LAMA1: variants seen among roughly 807,000 people sequenced by gnomAD.
LAMA1 encodes laminin subunit alpha-1.
In LAMA1, 219 loss-of-function variants were observed where a neutral mutation model predicts 348.7. The observed-to-expected ratio is 0.63, with a 90% CI of 0.56 to 0.70. LAMA1 has a LOEUF of 0.70. Among genes scored for constraint, LAMA1 ranks in the 30% least tolerant of loss-of-function variants. The pLI, the probability that LAMA1 is intolerant of heterozygous loss-of-function variation, is 0.00. For synonymous variants in LAMA1, 1,487 were observed against 1,491.0 expected, an observed-to-expected ratio of 1.00 and a Z score of 0.06; for missense variants, 3,744 against 3,888.0, an observed-to-expected ratio of 0.96 and a Z score of 0.99.
chr18:6,984,238 A>C (rs2057724467), intron 39 of LAMA1, among the ~76,000 whole-genome samples: 1 of 152,138 alleles, frequency 6.6e-6, no homozygotes, highest in Non-Finnish European at 1.5e-5. Flanking sequence ...TACGATTTTT[A>C]ATTGCTTTTG....
At chr18:7,023,435 T>C in intron 18 of LAMA1, 60 bp from the exon 19 acceptor site, 1 of 1,374,568 alleles carries the variant, frequency 7.3e-7, no homozygotes, top group Admixed American at 1.7e-5. Context: ...CTTACCGCAC[T>C]ATCCAGGGAC....
At chr18:7,085,933 T>A (rs933404891) in intron 1 of LAMA1, among the ~76,000 whole-genome samples, 2 of 152,214 alleles carry the variant, frequency 1.3e-5, no homozygotes, top group Non-Finnish European at 2.9e-5. Flanking sequence ...AGGATAATAA[T>A]ATCAAGGTAT....
At chr18:6,983,596 G>GT (rs945423092) in intron 39 of LAMA1, among the ~76,000 whole-genome samples, 6 of 152,136 alleles carry the variant, frequency 3.9e-5, no homozygotes, top group Admixed American at 1.3e-4. Flanking sequence ...GCTTGCATTG[G>GT]TTATAAACTT....
At chr18:7,059,026 A>AT (rs1242472493) in intron 3 of LAMA1, among the ~76,000 whole-genome samples, 34 of 152,174 alleles carry the variant, frequency 2.2e-4, no homozygotes, top group African/African-American at 7.9e-4. Flanking sequence ...AGTAGCTGGG[A>AT]TTACAGGCAC....
Position 6,980,717 on chromosome 18 carries a change from C to T in LAMA1, c.5891-80G>A, listed in dbSNP as rs147947457. 2,637 of 777,654 alleles carry T rather than the reference C, an allele frequency of 3.4e-3. 11 individuals are homozygous for T. Among genetic ancestry groups the T allele is most frequent in the Middle Eastern group, 9.4e-3 (27 of 2,860 alleles). The allele number at this position is 777,654 out of a possible 1,614,324, so 48.2% of individuals were successfully genotyped here. The stretch of plus-strand genomic sequence containing the variant: ...TAGGCAACAGCTTTATCATTCTTGA[C>T]CATCGACAGAATTCATAGCTTTCTA... On this transcript the variant is annotated intron_variant, in intron 41 of 62. Transcript: ENST00000389658.
Position 7,117,732 on chromosome 18 carries a change from C to A in LAMA1, c.-12G>T. On this transcript the variant is annotated 5_prime_UTR_variant, in exon 1 of 63. Coordinates refer to ENST00000389658, the MANE Select transcript of LAMA1 (RefSeq NM_005559.4). ...ACGCCCCCGCGCATCTCGCCTCCGC[C>A]GCCACTCGGTGGGTCTGGGGAGAAA... The A allele has an allele frequency of 1.9e-6, 3 of 1,596,286 alleles. No individual in the cohort carries two copies. Among genetic ancestry groups the A allele is most frequent in the Non-Finnish European group, 2.5e-6 (3 of 1,177,680 alleles).
At chr18:6,975,610 T>C (rs886835435) in intron 45 of LAMA1, among the ~76,000 whole-genome samples, 12 of 152,206 alleles carry the variant, frequency 7.9e-5, no homozygotes, top group African/African-American at 2.7e-4. Context: ...ACTGGAATCC[T>C]TGGCAAGAAA....
At chr18:7,011,526 C>T (rs779856116) in intron 24 of LAMA1, 47 bp from the exon 25 acceptor site, 98 of 1,520,058 alleles carry the variant, frequency 6.4e-5, no homozygotes, top group Non-Finnish European at 8.5e-5. Context: ...TGCGAACTTT[C>T]CACTCCAGTT....
At chr18:7,064,839 T>A (rs1207835181) in intron 3 of LAMA1, among the ~76,000 whole-genome samples, 2 of 152,210 alleles carry the variant, frequency 1.3e-5, no homozygotes, top group East Asian at 3.8e-4. Flanking sequence ...TTAAATTATA[T>A]GATTGACAAT....
intron 19 of LAMA1, among the ~76,000 whole-genome samples, chr18:7,021,687 T>C (rs1211259851): frequency 6.6e-6 from 1 of 151,126 alleles, no homozygotes; most frequent in African/African-American, 2.4e-5. Flanking sequence ...TTAAAATACA[T>C]TTCACCTACT....
intron 3 of LAMA1, among the ~76,000 whole-genome samples, chr18:7,066,631 CA>C (rs2143756726): frequency 6.6e-6 from 1 of 152,124 alleles, no homozygotes; most frequent in South Asian, 2.1e-4. Context: ...TTAGTCCTCC[CA>C]AAGATATGTC....
Position 7,024,457 on chromosome 18 carries a change from G to A in LAMA1, c.2412C>T (p.Pro804=). The A allele has an allele frequency of 6.2e-7, 1 of 1,613,786 alleles. No individual in the cohort carries two copies. Among genetic ancestry groups the A allele is most frequent in the Non-Finnish European group, 8.5e-7 (1 of 1,179,814 alleles). ...PLTIASNNFS[P]TCHLNDGDEV... is the part of the protein sequence containing the mutation. ...CATCTCCATCATTGAGGTGGCAGGT[G>A]GGGCTGAAACTGTCAAAACATTAGA... is the stretch of plus-strand genomic sequence containing the variant. The change falls in exon 18 of 63, where the codon CCC becomes CCT. Residue 804 remains proline, a synonymous_variant. Transcript: ENST00000389658.
chr18:7,004,438 T>C (rs2144101841), intron 29 of LAMA1, among the ~76,000 whole-genome samples: 1 of 152,234 alleles, frequency 6.6e-6, no homozygotes, highest in Admixed American at 6.5e-5. Flanking sequence ...CCGCAACCTC[T>C]GCCTCCTGGG....
chr18:7,068,465 G>A (rs2058132438), intron 3 of LAMA1, among the ~76,000 whole-genome samples: 1 of 152,194 alleles, frequency 6.6e-6, no homozygotes, highest in African/African-American at 2.4e-5. Flanking sequence ...GAGATTCCCT[G>A]ATTTCTTAAA....
chr18:7,030,434 G>A (rs1031664113), intron 16 of LAMA1, among the ~76,000 whole-genome samples: 4 of 152,042 alleles, frequency 2.6e-5, no homozygotes, highest in African/African-American at 7.2e-5. Context: ...TCCTGGGTTC[G>A]ATCCTACAAA....
intron 22 of LAMA1, among the ~76,000 whole-genome samples, chr18:7,014,700 T>C (rs142567322): frequency 6.6e-6 from 1 of 152,180 alleles, no homozygotes; most frequent in East Asian, 1.9e-4. Context: ...ATACCCAAAT[T>C]TAACTGAAGA....
chr18:7,017,752 C>T (rs564188276), intron 19 of LAMA1, among the ~76,000 whole-genome samples: 15 of 152,260 alleles, frequency 9.9e-5, no homozygotes, highest in African/African-American at 2.9e-4. Flanking sequence ...CAATCAGGTA[C>T]ATATTCAATA....
chr18:7,031,523 A>C (rs1460736911), intron 16 of LAMA1, among the ~76,000 whole-genome samples: 1 of 151,894 alleles, frequency 6.6e-6, no homozygotes, highest in Non-Finnish European at 1.5e-5. Flanking sequence ...ATATTATGTA[A>C]TATCATGATT....
At chr18:6,962,398 C>A (rs574513695) in intron 51 of LAMA1, among the ~76,000 whole-genome samples, 195 of 137,246 alleles carry the variant, frequency 1.4e-3, no homozygotes, top group African/African-American at 5.2e-3. Context: ...GGTGACAGAG[C>A]AAGATCCTGC....
Sources: gnomAD v4.1 joint callset for allele counts (sites outside exome capture counted in the v4.1 genomes callset) on GRCh38, gnomAD v4.1.1 for gene constraint, MANE v1.5 for transcripts, NCBI Gene and HGNC (gene_info 2026-07-23, HGNC 2026-07-21) for gene names.